TET2: variants seen among roughly 807,000 people sequenced by gnomAD.
TET2 encodes the protein tet methylcytosine dioxygenase 2.
TET2 carries 299 observed loss-of-function variants against 142.9 expected under a neutral mutation model. The observed-to-expected ratio is 2.09, with a 90% CI of 1.90 to 2.30. The LOEUF (loss-of-function observed/expected upper bound fraction) is 2.30, where lower values mean the gene tolerates loss of function less well. Among genes scored for constraint, TET2 ranks in the 30% most tolerant of loss-of-function variants. The pLI is 0.00. For synonymous variants in TET2, 819 were observed against 849.0 expected (o/e 0.96, Z 0.61); for missense variants, 2,418 against 2,378.0 (o/e 1.02, Z -0.35).
At chr4:105,169,172 A>G (rs1391591989) in intron 1 of TET2, among the ~76,000 whole-genome samples, 1 of 152,190 alleles carries the variant, frequency 6.6e-6, no homozygotes, top group Non-Finnish European at 1.5e-5. Context: ...TGTTTTCCAT[A>G]GTGGCTGTAC....
At chr4:105,153,012 G>A (rs1379319482) in intron 1 of TET2, among the ~76,000 whole-genome samples, 1 of 152,114 alleles carries the variant, frequency 6.6e-6, no homozygotes, top group African/African-American at 2.4e-5. Flanking sequence ...TATGGCAATT[G>A]CCCTATAAAA....
At chr4:105,273,780 A>G (rs989251999) in intron 10 of TET2, among the ~76,000 whole-genome samples, 1 of 152,200 alleles carries the variant, frequency 6.6e-6, no homozygotes, top group African/African-American at 2.4e-5. Context: ...GGGGTTCTAC[A>G]TGTAGATTAT....
At chr4:105,157,329 G>C (rs1445150136) in intron 1 of TET2, among the ~76,000 whole-genome samples, 1 of 151,916 alleles carries the variant, frequency 6.6e-6, no homozygotes, top group Admixed American at 6.6e-5. Flanking sequence ...ATTTATTTTA[G>C]TAAATAATTA....
At chr4:105,245,980 A>G (rs887252999) in intron 6 of TET2, among the ~76,000 whole-genome samples, 32 of 152,280 alleles carry the variant, frequency 2.1e-4, no homozygotes, top group African/African-American at 7.5e-4. Context: ...TCATTAACAT[A>G]GATCTCTAAT....
rs1731318270 is a variant in TET2 at position 105,278,421 on chromosome 4, C to T, written c.*1902C>T. The T allele has an allele frequency of 9.3e-6, 2 of 214,778 alleles. No individual in the cohort carries two copies. The highest frequency in any genetic ancestry group is 1.9e-4 in the South Asian group (1 of 5,370). The allele number at this position is 214,778 out of a possible 1,614,324, so 13.3% of individuals were successfully genotyped here. A position where few individuals can be genotyped will look rare whatever the true frequency, so the allele number is the denominator to read the frequency against. On this transcript the variant is annotated 3_prime_UTR_variant, in exon 11 of 11. Transcript: ENST00000380013. ...TTTTATTGTTAAAAAAAAAAGCATA[C>T]CTTTTTTCAATACTTGATTTCTTAG...
rs535548548 is a variant in TET2, at chr4:105,168,195, C to G, written c.-193+21216C>G. ...TTAAAAATTAAGTCAGGTCATGCCTCTCCTCTGCTTAAAACCATTAATGGG... is the reference window on the plus strand; with the variant it reads ...TTAAAAATTAAGTCAGGTCATGCCTGTCCTCTGCTTAAAACCATTAATGGG... On this transcript the variant is annotated intron_variant, in intron 1 of 10. Coordinates refer to ENST00000380013, the MANE Select transcript of TET2 (RefSeq NM_001127208.3). Among the ~76,000 whole-genome samples the G allele has an allele frequency of 8.5e-5, 13 of 152,270 alleles. No individual in the cohort carries two copies. In the East Asian group the frequency reaches 2.3e-3, roughly 27 times the overall value.
chr4:105,275,973 T>C lies in TET2; in HGVS notation c.5463T>C (p.Asp1821=). 2 of 1,551,772 alleles carry C rather than the reference T, an allele frequency of 1.3e-6. No homozygotes were observed. Among genetic ancestry groups the C allele is most frequent in the Non-Finnish European group, 1.7e-6 (2 of 1,146,994 alleles). ...CVQGGLHKLS[D]ANGQEKQPLA... is the part of the protein sequence containing the mutation. ...AAGGAGGCTTACACAAATTAAGTGA[T>C]GCTAATGGTCAGGAAAAGCAGCCAT... The change falls in exon 11 of 11, where the codon GAT becomes GAC. Residue 1821 remains aspartate (D), a synonymous_variant. Transcript: ENST00000380013.
chr4:105,169,348 A>G (rs1243670653), intron 1 of TET2, among the ~76,000 whole-genome samples: 1 of 152,094 alleles, frequency 6.6e-6, no homozygotes, highest in African/African-American at 2.4e-5. Flanking sequence ...ACATTTTCTC[A>G]TATGTTTGTT....
At chr4:105,160,032 G>A (rs771277490) in intron 1 of TET2, among the ~76,000 whole-genome samples, 18 of 152,044 alleles carry the variant, frequency 1.2e-4, no homozygotes, top group Non-Finnish European at 2.5e-4. Context: ...ATATTTGTAT[G>A]CATCTTAAAA....
Position 105,278,171 on chromosome 4 carries a change from CATATATATATATATATATAT to C in TET2, c.*1665_*1684del, listed in dbSNP as rs61328453. ...GTACTGTAAAAAAATTAAATATATA[CATATATATATATATATATAT>C]ATATATATATATGAGTTTGAAGCAG... On this transcript the variant is annotated 3_prime_UTR_variant, in exon 11 of 11. Transcript: ENST00000380013. 1.1e-4 allele frequency: 13 copies of C among 114,130 alleles called. 1 individual carries two copies. The highest frequency in any genetic ancestry group is 1.2e-4 in the Non-Finnish European group (7 of 59,430). 7.1% of individuals were successfully genotyped at this position (114,130 alleles called of 1,614,324 possible).
intron 1 of TET2, chr4:105,177,694 A>G (rs1353186528): frequency 2.0e-5 from 3 of 152,252 alleles, no homozygotes; most frequent in African/African-American, 7.2e-5. Context: ...TCAAAATGGC[A>G]TAGTCACTTT....
intron 2 of TET2, among the ~76,000 whole-genome samples, chr4:105,198,680 G>C (rs183237939): frequency 9.2e-5 from 14 of 152,234 alleles, no homozygotes; most frequent in Middle Eastern, 3.4e-3. Context: ...TGCCTTGTAG[G>C]CTGAAAAAAT....
chr4:105,205,103 G>A lies in TET2; in HGVS notation c.-47+14598G>A, dbSNP rs544945296. Among the ~76,000 whole-genome samples, 362 of 152,146 alleles carry A rather than the reference G, an allele frequency of 2.4e-3. 3 individuals carry two copies. The highest frequency in any genetic ancestry group is 2.9e-3 in the South Asian group (14 of 4,826). On this transcript the variant is annotated intron_variant, in intron 2 of 10. Transcript: ENST00000380013. ...AGCTATAGCCAATGCATTTTGAGAG[G>A]TGCTTACATATTACAATTATTTTCA... is the stretch of plus-strand genomic sequence containing the variant.
In TET2 at chr4:105,275,509, C is replaced by A. The variant is rs1560573569; in HGVS notation, c.4999C>A (p.Leu1667Met). The change falls in exon 11 of 11, where the codon CTG becomes ATG. Residue 1667 changes from leucine to methionine, a missense_variant. Physicochemically the swap from Leu to Met is conservative, Grantham distance 15. Transcript: ENST00000380013. ...GTATAGGTATCCAAGCCAAGACCCT[C>A]TGTCTAAGCTCAGTCTACCACCCAT... is the stretch of plus-strand genomic sequence containing the variant. ...DLYRYPSQDP[L>M]SKLSLPPIHT... 1.3e-6 allele frequency: 2 copies of A among 1,551,706 alleles called. No homozygotes were observed. Among genetic ancestry groups the A allele is most frequent in the Admixed American group, 3.9e-5 (2 of 50,996 alleles).
intron 8 of TET2, among the ~76,000 whole-genome samples, chr4:105,263,232 G>A (rs936715564): frequency 2.6e-5 from 4 of 152,316 alleles, no homozygotes; most frequent in African/African-American, 4.8e-5. Flanking sequence ...ACTTTATTCT[G>A]TAGGTAACCA....
intron 6 of TET2, among the ~76,000 whole-genome samples, chr4:105,252,343 C>G (rs745690014): frequency 9.2e-5 from 14 of 152,174 alleles, no homozygotes; most frequent in Non-Finnish European, 1.6e-4. Context: ...TCCACCATGT[C>G]ATGATCGTTC....
chr4:105,275,186 C>G lies in TET2; in HGVS notation c.4676C>G (p.Ser1559Cys). The G allele has an allele frequency of 1.3e-6, 2 of 1,552,256 alleles. No homozygotes were observed. Among genetic ancestry groups the G allele is most frequent in the Non-Finnish European group, 1.7e-6 (2 of 1,147,114 alleles). Reference protein sequence around the residue: ...PHHPQTESVNSYSASGSTNPY... With the variant: ...PHHPQTESVNCYSASGSTNPY... ...CACCCTCAGACAGAGTCTGTCAACT[C>G]TTATTCTGCTTCTGGATCCACCAAT... The change falls in exon 11 of 11, where the codon TCT becomes TGT. Residue 1559 changes from serine to cysteine, a missense_variant. Physicochemically the swap from Ser to Cys is moderately radical, Grantham distance 112. Coordinates refer to ENST00000380013, the MANE Select transcript of TET2 (RefSeq NM_001127208.3).
At chr4:105,239,796 GC>G in intron 3 of TET2, 1 of 229,928 alleles carries the variant, frequency 4.3e-6, no homozygotes, top group Non-Finnish European at 8.7e-6. Flanking sequence ...GCCTGTCTTG[GC>G]TTTTGACATG....
Position 105,227,056 on chromosome 4 carries a change from C to T in TET2, c.-46-6841C>T, listed in dbSNP as rs564169298. ...TGGTAGCTCTAACAGTGCTTAGAACCAGTTCTCAAGAGCACATTGTGAAAC... is the reference window on the plus strand; with the variant it reads ...TGGTAGCTCTAACAGTGCTTAGAACTAGTTCTCAAGAGCACATTGTGAAAC... On this transcript the variant is annotated intron_variant, in intron 2 of 10. Transcript: ENST00000380013. 8.5e-5 allele frequency among the ~76,000 whole-genome samples: 13 copies of T among 152,170 alleles called. No individual in the cohort carries two copies. The South Asian group carries it at 2.5e-3, about 29-fold the overall frequency.
Sources: gnomAD v4.1 joint callset for allele counts (sites outside exome capture counted in the v4.1 genomes callset) on GRCh38, gnomAD v4.1.1 for gene constraint, MANE v1.5 for transcripts, NCBI Gene and HGNC (gene_info 2026-07-23, HGNC 2026-07-21) for gene names.